ZNF148: variants seen among roughly 807,000 people sequenced by gnomAD.
The protein encoded by ZNF148 is zinc finger protein 148.
In ZNF148, 7 loss-of-function variants were observed where a neutral mutation model predicts 67.7. The ratio of observed to expected loss-of-function variants is 0.10; its 90% CI spans 0.06 to 0.19. The LOEUF (loss-of-function observed/expected upper bound fraction) is 0.19. Ranked by LOEUF, ZNF148 falls within the 10% of genes least tolerant of loss-of-function variation. The pLI is 1.00. For synonymous variants in ZNF148, 333 were observed against 330.7 expected (o/e 1.01, Z -0.08); for missense variants, 583 against 947.1 (o/e 0.62, Z 5.05).
Position 125,230,655 on chromosome 3 carries a change from A to G in ZNF148, c.*1686T>C, listed in dbSNP as rs1425401282. The G allele has an allele frequency of 1.3e-5, 2 of 152,490 alleles. No individual in the cohort carries two copies. The highest frequency in any genetic ancestry group is 2.9e-5 in the Non-Finnish European group (2 of 67,970). The allele number at this position is 152,490 out of a possible 1,614,324, so 9.4% of individuals were successfully genotyped here. A position where few individuals can be genotyped will look rare whatever the true frequency, so the allele number is the denominator to read the frequency against. On this transcript the variant is annotated 3_prime_UTR_variant, in exon 9 of 9. Transcript: ENST00000360647. Reference sequence around the variant, plus strand: ...TTAAATAAAAGAAAAAATAATTTAAATGGATAACATATTCTATATTGAAAC... The same window carrying G: ...TTAAATAAAAGAAAAAATAATTTAAGTGGATAACATATTCTATATTGAAAC...
At chr3:125,335,417 G>A (rs1241512293) in intron 1 of ZNF148, among the ~76,000 whole-genome samples, 1 of 152,088 alleles carries the variant, frequency 6.6e-6, no homozygotes, top group Admixed American at 6.5e-5. Context: ...CTAATAAAAT[G>A]GCGAAACTTG....
At chr3:125,264,170 T>C (rs1579652513) in intron 7 of ZNF148, among the ~76,000 whole-genome samples, 1 of 152,300 alleles carries the variant, frequency 6.6e-6, no homozygotes, top group Non-Finnish European at 1.5e-5. Flanking sequence ...AAATGGTAAA[T>C]GTAAGTAAAG....
intron 1 of ZNF148, among the ~76,000 whole-genome samples, chr3:125,347,572 T>A (rs1236515764): frequency 6.1e-5 from 9 of 146,520 alleles, no homozygotes; most frequent in South Asian, 2.1e-4. Flanking sequence ...ATGTATTATT[T>A]TTTTTTTTTT....
intron 7 of ZNF148, among the ~76,000 whole-genome samples, chr3:125,264,112 T>C (rs375400423): frequency 1.3e-5 from 2 of 152,246 alleles, no homozygotes; most frequent in Non-Finnish European, 2.9e-5. Flanking sequence ...CCAGACCTTG[T>C]CCTGTGGACC....
At chr3:125,371,499 A>C (rs1942883430) in intron 1 of ZNF148, among the ~76,000 whole-genome samples, 1 of 151,016 alleles carries the variant, frequency 6.6e-6, no homozygotes, top group Non-Finnish European at 1.5e-5. Flanking sequence ...TCTACTAAAA[A>C]CACAAAAAAA....
At chr3:125,363,909 A>G (rs1057414869) in intron 1 of ZNF148, among the ~76,000 whole-genome samples, 2 of 152,096 alleles carry the variant, frequency 1.3e-5, no homozygotes, top group Middle Eastern at 3.2e-3. Context: ...TCAGCCTCCC[A>G]AAATGCTGAG....
chr3:125,369,123 G>A (rs1054480601), intron 1 of ZNF148, among the ~76,000 whole-genome samples: 1 of 150,994 alleles, frequency 6.6e-6, no homozygotes, highest in African/African-American at 2.4e-5. Context: ...TTAGCTGGGT[G>A]TGCTGGTGTG....
intron 1 of ZNF148, among the ~76,000 whole-genome samples, chr3:125,369,315 G>A (rs1942801756): frequency 8.2e-6 from 1 of 121,222 alleles, no homozygotes; most frequent in South Asian, 2.8e-4. Context: ...GAACATTCTA[G>A]GGTCATTTTA....
intron 1 of ZNF148, among the ~76,000 whole-genome samples, chr3:125,366,455 T>C (rs1394705933): frequency 6.6e-6 from 1 of 152,228 alleles, no homozygotes. Flanking sequence ...TTCCAAACTA[T>C]AGATTGTGAT....
intron 5 of ZNF148, among the ~76,000 whole-genome samples, chr3:125,285,890 T>G (rs1482957477): frequency 6.6e-6 from 1 of 152,168 alleles, no homozygotes; most frequent in Non-Finnish European, 1.5e-5. Flanking sequence ...AAATGATACA[T>G]TATAAATGAG....
chr3:125,234,091 T>A, intron 8 of ZNF148, 120 bp downstream of exon 8: 1 of 1,254,368 alleles, frequency 8.0e-7, no homozygotes, highest in Non-Finnish European at 1.1e-6. Context: ...CTATTATAAA[T>A]CTAATCTGTA....
chr3:125,346,511 G>A lies in ZNF148; in HGVS notation c.-233-15273C>T, dbSNP rs77485452. Among the ~76,000 whole-genome samples the A allele has an allele frequency of 5.0e-3, 759 of 152,220 alleles. 5 individuals are homozygous for A. Among genetic ancestry groups the A allele is most frequent in the African/African-American group, 0.017 (710 of 41,540 alleles). On this transcript the variant is annotated intron_variant, in intron 1 of 8. Transcript: ENST00000360647. Reference sequence around the variant, plus strand: ...CTGTACCCCACCCAAATTTGATCTCGAATTGTAATCCCCACATATCAAGAC... The same window carrying A: ...CTGTACCCCACCCAAATTTGATCTCAAATTGTAATCCCCACATATCAAGAC...
In ZNF148 at chr3:125,358,262, G is replaced by A. The variant is rs558136734; in HGVS notation, c.-234+16840C>T. Among the ~76,000 whole-genome samples the A allele has an allele frequency of 1.5e-3, 230 of 152,096 alleles. 2 individuals carry two copies. The highest frequency in any genetic ancestry group is 5.1e-3 in the African/African-American group (210 of 41,472). On this transcript the variant is annotated intron_variant, in intron 1 of 8. Transcript: ENST00000360647. ...CAAAAGGCAGAGGTTGCAGTGAGGCGTGATAACGCCACTGCACTCCACTCT... is the reference window on the plus strand; with the variant it reads ...CAAAAGGCAGAGGTTGCAGTGAGGCATGATAACGCCACTGCACTCCACTCT...
chr3:125,238,863 G>A (rs1292549105), intron 7 of ZNF148, among the ~76,000 whole-genome samples: 5 of 152,158 alleles, frequency 3.3e-5, no homozygotes, highest in Non-Finnish European at 5.9e-5. Flanking sequence ...AGTAACCCAA[G>A]TGTCCATCAA....
At chr3:125,256,381 A>AAT (rs1937079379) in intron 7 of ZNF148, among the ~76,000 whole-genome samples, 1 of 151,528 alleles carries the variant, frequency 6.6e-6, no homozygotes, top group Non-Finnish European at 1.5e-5. Context: ...AAAAAAAAAA[A>AAT]AAAATTAAGC....
intron 1 of ZNF148, among the ~76,000 whole-genome samples, chr3:125,365,590 G>A (rs947162122): frequency 2.0e-5 from 3 of 152,156 alleles, no homozygotes; most frequent in African/African-American, 7.2e-5. Context: ...AGCTGAGGGA[G>A]GGGATCACTG....
intron 4 of ZNF148, among the ~76,000 whole-genome samples, chr3:125,300,089 A>G (rs1441544243): frequency 6.6e-6 from 1 of 152,176 alleles, no homozygotes; most frequent in Non-Finnish European, 1.5e-5. Context: ...CTCGTGCCTC[A>G]GCCTCCTGAG....
rs536434566 is a variant in ZNF148, at chr3:125,258,150, C to T, written c.667+19576G>A. Among the ~76,000 whole-genome samples the T allele has an allele frequency of 5.5e-4, 84 of 151,836 alleles. 2 individuals carry two copies. The South Asian group carries it at 0.016, about 29-fold the overall frequency. On this transcript the variant is annotated intron_variant, in intron 7 of 8. Transcript: ENST00000360647. ...AGAGATAGCATCTTCCAGCTGGGTG[C>T]GGTGGCTCACGCCTGTAATCCCAGA...
intron 4 of ZNF148, among the ~76,000 whole-genome samples, chr3:125,302,452 C>T (rs1293921095): frequency 6.6e-6 from 1 of 151,944 alleles, no homozygotes; most frequent in African/African-American, 2.4e-5. Context: ...TACCTCCCTG[C>T]CTTATCAACA....
Sources: allele counts gnomAD v4.1 joint callset (sites outside exome capture counted in the v4.1 genomes callset), GRCh38; gene constraint gnomAD v4.1.1; transcripts MANE v1.5; gene names NCBI Gene and HGNC (gene_info 2026-07-23, HGNC 2026-07-21).